NBPF3: variants seen among roughly 807,000 people sequenced by gnomAD.
The protein encoded by NBPF3 is NBPF member 3.
A neutral mutation model predicts 78.1 loss-of-function variants in NBPF3; 57 were observed. That is an observed-to-expected ratio of 0.73 (90% CI 0.59 to 0.91). NBPF3 has a LOEUF of 0.91. NBPF3 is among the 40% of genes least tolerant of loss of function. The pLI is 0.00. For synonymous variants in NBPF3, 182 were observed against 271.7 expected, an observed-to-expected ratio of 0.67 and a Z score of 3.25; for missense variants, 510 against 715.3, an observed-to-expected ratio of 0.71 and a Z score of 3.27.
At chr1:21,472,740 C>A in intron 5 of NBPF3, 103 bp from the exon 6 acceptor site, 1 of 855,702 alleles carries the variant, frequency 1.2e-6, no homozygotes, top group Non-Finnish European at 2.0e-6. Context: ...TTCAGCTGAA[C>A]AGTGACCATG....
chr1:21,437,566 GAAT>G (rs367984139), upstream of NBPF3: 100 of 1,050,292 alleles, frequency 9.5e-5, no homozygotes, highest in African/African-American at 1.6e-3. Flanking sequence ...GGCTACTGAA[GAAT>G]AAGTCAGCGT....
chr1:21,446,513 CTT>C (rs1385736973), intron 2 of NBPF3: 1 of 143,018 alleles, frequency 7.0e-6, no homozygotes, highest in Non-Finnish European at 1.6e-5. Flanking sequence ...CTCCAACTCT[CTT>C]TCTCTTTATT....
chr1:21,473,336 C>G lies in NBPF3; in HGVS notation c.735-44C>G, dbSNP rs767591684. On this transcript the variant is annotated intron_variant, in intron 6 of 14. Coordinates refer to ENST00000318249, the MANE Select transcript of NBPF3 (RefSeq NM_032264.6). The stretch of plus-strand genomic sequence containing the variant: ...TAGCACTCCCTGGTGTCCAATCCCT[C>G]TGTGTTTAGTCTTCTGTCATCTCTA... The G allele has an allele frequency of 5.6e-6, 9 of 1,597,828 alleles. No individual in the cohort carries two copies. In the Admixed American group the frequency reaches 1.5e-4, roughly 27 times the overall value.
At chr1:21,452,518 A>G (rs1475244948) in intron 2 of NBPF3, among the ~76,000 whole-genome samples, 1 of 152,254 alleles carries the variant, frequency 6.6e-6, no homozygotes, top group East Asian at 1.9e-4. Flanking sequence ...AGAAGCAGAA[A>G]TGGGCCTGCC....
chr1:21,468,662 CGT>C, intron 2 of NBPF3, 24 bp from the exon 3 acceptor site: 1 of 1,611,470 alleles, frequency 6.2e-7, no homozygotes, highest in Non-Finnish European at 8.5e-7. Context: ...TTTAACCCAT[CGT>C]GTGTTTGGGT....
At chr1:21,465,250 A>G (rs1642195617) in intron 2 of NBPF3, among the ~76,000 whole-genome samples, 1 of 152,280 alleles carries the variant, frequency 6.6e-6, no homozygotes, top group African/African-American at 2.4e-5. Flanking sequence ...TTCATCAGCA[A>G]AACAGAAAGA....
At position 21,455,499 on chromosome 1, in the gene NBPF3, G is replaced by A. The variant is rs187582438; in HGVS notation, c.133+10280G>A. Among the ~76,000 whole-genome samples, 8 of 152,286 alleles carry A rather than the reference G, an allele frequency of 5.3e-5. No individual in the cohort carries two copies. In the East Asian group the frequency reaches 7.7e-4, roughly 15 times the overall value. On this transcript the variant is annotated intron_variant, in intron 2 of 14. Coordinates refer to ENST00000318249, the MANE Select transcript of NBPF3 (RefSeq NM_032264.6). ...ACTAACCCTGCCTCCATAAACAACCGTAAAATTGTTTTCAGCAGTGTACGA... is the reference window on the plus strand; with the variant it reads ...ACTAACCCTGCCTCCATAAACAACCATAAAATTGTTTTCAGCAGTGTACGA...
intron 2 of NBPF3, among the ~76,000 whole-genome samples, chr1:21,448,693 G>A (rs1470553579): frequency 1.3e-5 from 2 of 152,130 alleles, no homozygotes; most frequent in African/African-American, 4.8e-5. Context: ...GCTCTAGCCA[G>A]GCCACCCTCA....
chr1:21,477,878 G>C (rs1383197854), intron 8 of NBPF3, among the ~76,000 whole-genome samples: 2 of 152,192 alleles, frequency 1.3e-5, no homozygotes, highest in Non-Finnish European at 2.9e-5. Flanking sequence ...AGTCATGATG[G>C]TAGTTTACAG....
intron 3 of NBPF3, among the ~76,000 whole-genome samples, chr1:21,469,875 C>G (rs1420146399): frequency 1.3e-5 from 2 of 152,168 alleles, no homozygotes; most frequent in Non-Finnish European, 2.9e-5. Context: ...CTCCTGGGCT[C>G]CATCCAAGTT....
At chr1:21,474,210 CT>C (rs11453851) in intron 7 of NBPF3, among the ~76,000 whole-genome samples, 26 of 143,928 alleles carry the variant, frequency 1.8e-4, no homozygotes, top group Admixed American at 4.2e-4. Context: ...TTTTCTTTTT[CT>C]TTTTTTTTTT....
chr1:21,445,881 G>C (rs1206290707), intron 2 of NBPF3, among the ~76,000 whole-genome samples: 1 of 152,206 alleles, frequency 6.6e-6, no homozygotes, highest in African/African-American at 2.4e-5. Flanking sequence ...CATTCATGGG[G>C]TGACTATTAG....
intron 2 of NBPF3, chr1:21,446,482 CTT>C (rs1640982363): frequency 1.4e-5 from 2 of 147,662 alleles, no homozygotes; most frequent in Non-Finnish European, 3.0e-5. Context: ...TCCTTCCTTC[CTT>C]CCTTCCTTCC....
upstream of NBPF3, among the ~76,000 whole-genome samples, chr1:21,439,503 A>T (rs1205384634): frequency 6.6e-6 from 1 of 152,110 alleles, no homozygotes; most frequent in African/African-American, 2.4e-5. Context: ...AAAAAAAATA[A>T]AAATAAAAAA....
chr1:21,445,281 C>G, intron 2 of NBPF3, 62 bp downstream of exon 2: 1 of 1,564,722 alleles, frequency 6.4e-7, no homozygotes, highest in East Asian at 2.3e-5. Flanking sequence ...TATTATAACT[C>G]AGATGTGAAG....
upstream of NBPF3, among the ~76,000 whole-genome samples, chr1:21,439,529 A>C (rs1035660264): frequency 2.6e-5 from 4 of 152,292 alleles, no homozygotes; most frequent in East Asian, 7.7e-4. Context: ...AAACGTACAT[A>C]AAATATCCCT....
At chr1:21,456,649 A>G (rs1352980529) in intron 2 of NBPF3, among the ~76,000 whole-genome samples, 1 of 152,078 alleles carries the variant, frequency 6.6e-6, no homozygotes, top group East Asian at 1.9e-4. Context: ...AAATTGAAAA[A>G]TTTTTCATGA....
At chr1:21,437,056 G>A (rs1640440043), upstream of NBPF3, among the ~76,000 whole-genome samples, 1 of 151,944 alleles carries the variant, frequency 6.6e-6, no homozygotes, top group African/African-American at 2.4e-5. Context: ...TGGGTGCTTG[G>A]GCAGCTGGTG....
At position 21,475,191 on chromosome 1, in the gene NBPF3, G is replaced by T. The variant is rs188941433; in HGVS notation, c.992+240G>T. On this transcript the variant is annotated intron_variant, in intron 8 of 14. Transcript: ENST00000318249. ...TGAACTAGCCAAACAGGGATTTCTTGTTGATCTTTTCAAAAAACCAGCTCC... is the reference window on the plus strand; with the variant it reads ...TGAACTAGCCAAACAGGGATTTCTTTTTGATCTTTTCAAAAAACCAGCTCC... 7.2e-5 allele frequency among the ~76,000 whole-genome samples: 11 copies of T among 152,100 alleles called. No individual in the cohort carries two copies. The South Asian group carries it at 1.3e-3, about 17-fold the overall frequency.
Sources: gnomAD v4.1 joint callset for allele counts (sites outside exome capture counted in the v4.1 genomes callset) on GRCh38, gnomAD v4.1.1 for gene constraint, MANE v1.5 for transcripts, NCBI Gene and HGNC (gene_info 2026-07-23, HGNC 2026-07-21) for gene names.